Variants in FRAS1 observed in about 807,000 individuals in gnomAD.
FRAS1 encodes the protein extracellular matrix organizing protein FRAS1.
A neutral mutation model predicts 435.2 loss-of-function variants in FRAS1; 290 were observed. That is an observed-to-expected ratio of 0.67 (90% confidence interval 0.61 to 0.73). The LOEUF (loss-of-function observed/expected upper bound fraction) is 0.73, where lower values mean the gene tolerates loss of function less well. FRAS1 is among the 30% of genes least tolerant of loss of function. The pLI is 0.00. For synonymous variants in FRAS1, 1,800 were observed against 1,851.0 expected (o/e 0.97, Z 0.71); for missense variants, 4,860 against 5,001.5 (o/e 0.97, Z 0.85).
intron 2 of FRAS1, among the ~76,000 whole-genome samples, chr4:78,232,759 T>G (rs907219863): frequency 1.3e-5 from 2 of 152,240 alleles, no homozygotes; most frequent in African/African-American, 4.8e-5. Flanking sequence ...TCAATTCTTA[T>G]GAATAGATAT....
At chr4:78,284,707 T>C (rs1012653692) in intron 13 of FRAS1, among the ~76,000 whole-genome samples, 159 bp downstream of exon 13, 1 of 152,212 alleles carries the variant, frequency 6.6e-6, no homozygotes, top group Non-Finnish European at 1.5e-5. Flanking sequence ...TAGAAGGTAG[T>C]AATGTCATCT....
chr4:78,354,674 C>G (rs1730782399), intron 20 of FRAS1, among the ~76,000 whole-genome samples: 1 of 152,148 alleles, frequency 6.6e-6, no homozygotes, highest in Non-Finnish European at 1.5e-5. Context: ...TTGACCACTT[C>G]CAAATACACT....
chr4:78,165,672 T>C (rs566427096), intron 2 of FRAS1, among the ~76,000 whole-genome samples: 20 of 152,322 alleles, frequency 1.3e-4, no homozygotes, highest in Admixed American at 9.8e-4. Flanking sequence ...GTGATCTTGA[T>C]TGGGCTTGGC....
intron 2 of FRAS1, among the ~76,000 whole-genome samples, chr4:78,124,174 T>C (rs1719201712): frequency 6.6e-6 from 1 of 152,244 alleles, no homozygotes; most frequent in Admixed American, 6.5e-5. Context: ...TGAGAGTTTT[T>C]GGCATGAAAG....
chr4:78,245,922 A>T (rs1725219993), intron 4 of FRAS1, among the ~76,000 whole-genome samples: 1 of 152,166 alleles, frequency 6.6e-6, no homozygotes, highest in South Asian at 2.1e-4. Flanking sequence ...TGCTAGTAGC[A>T]TCCCTCAGTC....
At chr4:78,449,818 G>C (rs1427286843) in intron 44 of FRAS1, among the ~76,000 whole-genome samples, 2 of 152,212 alleles carry the variant, frequency 1.3e-5, no homozygotes, top group Non-Finnish European at 2.9e-5. Context: ...AGATCTAGGA[G>C]TTATTTTTGT....
At chr4:78,114,155 T>C in intron 2 of FRAS1, among the ~76,000 whole-genome samples, 1 of 152,210 alleles carries the variant, frequency 6.6e-6, no homozygotes, top group Non-Finnish European at 1.5e-5. Flanking sequence ...GCGGCATTAC[T>C]TCTGAGGGCT....
Position 78,387,542 on chromosome 4 carries a change from G to A in FRAS1, c.3816G>A (p.Pro1272=), listed in dbSNP as rs773904548. Residue 1272 remains proline, a synonymous_variant, in exon 29 of 74, where the codon CCG becomes CCA. Coordinates refer to ENST00000512123, the MANE Select transcript of FRAS1 (RefSeq NM_025074.7). ...AATTGCTTCAGACACTTCAGTCCCCGGCAACCCCTATCTATCAATTCCAGC... is the reference window on the plus strand; with the variant it reads ...AATTGCTTCAGACACTTCAGTCCCCAGCAACCCCTATCTATCAATTCCAGC... ...HGQLLQTLQS[P]ATPIYQFQLD... The A allele has an allele frequency of 2.9e-5, 47 of 1,613,364 alleles. No homozygotes were observed. Among genetic ancestry groups the A allele is most frequent in the Middle Eastern group, 3.3e-4 (2 of 6,060 alleles).
chr4:78,188,786 T>C (rs1722401117), intron 2 of FRAS1, among the ~76,000 whole-genome samples: 1 of 152,218 alleles, frequency 6.6e-6, no homozygotes, highest in African/African-American at 2.4e-5. Flanking sequence ...ATTTTTCTAA[T>C]GAAGGGTCAC....
intron 54 of FRAS1, among the ~76,000 whole-genome samples, chr4:78,477,106 A>G (rs893194236): frequency 3.3e-5 from 5 of 152,142 alleles, no homozygotes; most frequent in African/African-American, 9.7e-5. Flanking sequence ...TTTTAATGGC[A>G]AAGGGTGTAG....
intron 2 of FRAS1, among the ~76,000 whole-genome samples, chr4:78,100,335 G>T (rs138637242): frequency 6.6e-6 from 1 of 152,314 alleles, no homozygotes; most frequent in Non-Finnish European, 1.5e-5. Flanking sequence ...ACTTCTCTGA[G>T]TCAACTTCTG....
chr4:78,528,280 T>C (rs1721604856), intron 70 of FRAS1, among the ~76,000 whole-genome samples: 2 of 152,146 alleles, frequency 1.3e-5, no homozygotes, highest in South Asian at 4.1e-4. Flanking sequence ...AAATTGTACA[T>C]ATTTAAACTG....
intron 2 of FRAS1, among the ~76,000 whole-genome samples, chr4:78,088,726 G>T (rs1438164016): frequency 3.9e-5 from 6 of 152,118 alleles, no homozygotes; most frequent in Non-Finnish European, 7.4e-5. Flanking sequence ...AAACCACAAT[G>T]AGATACCATC....
At chr4:78,094,952 T>C (rs1470538257) in intron 2 of FRAS1, among the ~76,000 whole-genome samples, 1 of 152,174 alleles carries the variant, frequency 6.6e-6, no homozygotes, top group Non-Finnish European at 1.5e-5. Flanking sequence ...TATTATTTAA[T>C]CTGTCAAACC....
chr4:78,155,912 T>A (rs1006150594), intron 2 of FRAS1, among the ~76,000 whole-genome samples: 3 of 152,178 alleles, frequency 2.0e-5, no homozygotes, highest in Non-Finnish European at 4.4e-5. Flanking sequence ...GATACATTTC[T>A]TTCCCAAAGC....
chr4:78,183,732 T>TTGTGTGTGTGTGTGTGTG lies in FRAS1; in HGVS notation c.109-53752_109-53735dup, dbSNP rs3974339. ...TTTTTTCTCCCTGTTTTCATTCTCT[T>TTGTGTGTGTGTGTGTGTG]TGTGTGTGTGTGTGTGTGTGTGTGT... is the stretch of plus-strand genomic sequence containing the variant. On this transcript the variant is annotated intron_variant, in intron 2 of 73. Transcript: ENST00000512123. Among the ~76,000 whole-genome samples, 104 of 137,040 alleles carry TTGTGTGTGTGTGTGTGTG rather than the reference T, an allele frequency of 7.6e-4. 1 individual carries two copies. The highest frequency in any genetic ancestry group is 9.7e-4 in the Admixed American group (13 of 13,376). 89.9% of individuals were successfully genotyped at this position (137,040 alleles called of 152,430 possible). A position where few individuals can be genotyped will look rare whatever the true frequency, so the allele number is the denominator to read the frequency against.
rs148842528 is a variant in FRAS1 at position 78,450,682 on chromosome 4, T to C, written c.6463+343T>C. Among the ~76,000 whole-genome samples, 68 of 152,208 alleles carry C rather than the reference T, an allele frequency of 4.5e-4. No individual in the cohort carries two copies. In the East Asian group the frequency reaches 0.01, roughly 22 times the overall value. On this transcript the variant is annotated intron_variant, in intron 45 of 73. Coordinates refer to ENST00000512123, the MANE Select transcript of FRAS1 (RefSeq NM_025074.7). ...AGTTGGGATGGATTAAGGTGAAAAT[T>C]ATGCCTTCCTTAGGTGAGCAATTTA...
At chr4:78,100,117 G>T (rs1050212356) in intron 2 of FRAS1, among the ~76,000 whole-genome samples, 1 of 152,170 alleles carries the variant, frequency 6.6e-6, no homozygotes, top group Non-Finnish European at 1.5e-5. Context: ...AAAAGAAATA[G>T]AGCCTAGAAC....
At chr4:78,237,962 C>T (rs1578200684) in intron 3 of FRAS1, among the ~76,000 whole-genome samples, 1 of 152,094 alleles carries the variant, frequency 6.6e-6, no homozygotes, top group Non-Finnish European at 1.5e-5. Flanking sequence ...AGATTTTAAG[C>T]AACTTAACCA....
Sources: gnomAD v4.1 joint callset for allele counts (sites outside exome capture counted in the v4.1 genomes callset) on GRCh38, gnomAD v4.1.1 for gene constraint, MANE v1.5 for transcripts, NCBI Gene and HGNC (gene_info 2026-07-23, HGNC 2026-07-21) for gene names.